The following DNER variants were observed in gnomAD, a reference collection of about 807,000 sequenced individuals.
DNER encodes the protein delta/notch like EGF repeat containing.
In DNER, 33 loss-of-function variants were observed where a neutral mutation model predicts 78.2. That is an observed-to-expected ratio of 0.42 (90% CI 0.32 to 0.56). DNER has a LOEUF of 0.56. DNER is among the 20% of genes least tolerant of loss of function. The pLI is 0.11. For synonymous variants in DNER, 417 were observed against 384.8 expected (o/e 1.08, Z -0.98); for missense variants, 918 against 975.3 (o/e 0.94, Z 0.78).
chr2:229,372,642 G>A (rs1269914097), intron 11 of DNER, among the ~76,000 whole-genome samples: 1 of 152,212 alleles, frequency 6.6e-6, no homozygotes, highest in Non-Finnish European at 1.5e-5. Context: ...GAAACAGTGG[G>A]AGGGAGGGTC....
At position 229,363,985 on chromosome 2, in the gene DNER, C is replaced by CTTTTTTTT. The variant is rs10600729; in HGVS notation, c.2102+2880_2102+2887dup. On this transcript the variant is annotated intron_variant, in intron 12 of 12. Coordinates refer to ENST00000341772, the MANE Select transcript of DNER (RefSeq NM_139072.4). ...ACCAAAGAAACTTGTCAATTCTCTGCTTTTTTTTTTTTTTTTTTTTTTTTT... is the reference window on the plus strand; with the variant it reads ...ACCAAAGAAACTTGTCAATTCTCTGCTTTTTTTTTTTTTTTTTTTTTTTTTTTTTTTTT... Among the ~76,000 whole-genome samples, 4 of 77,836 alleles carry CTTTTTTTT rather than the reference C, an allele frequency of 5.1e-5. 2 individuals carry two copies. Among genetic ancestry groups the CTTTTTTTT allele is most frequent in the Non-Finnish European group, 1.0e-4 (4 of 39,950 alleles). The allele number at this position is 77,836 out of a possible 152,430, so 51.1% of individuals were successfully genotyped here. A position where few individuals can be genotyped will look rare whatever the true frequency, so the allele number is the denominator to read the frequency against.
intron 10 of DNER, among the ~76,000 whole-genome samples, chr2:229,391,558 T>A (rs770197724): frequency 3.3e-5 from 5 of 152,186 alleles, no homozygotes; most frequent in Non-Finnish European, 5.9e-5. Flanking sequence ...TCTTTTTTTT[T>A]GAGACAAAAA....
At chr2:229,678,677 C>G (rs16826329) in intron 1 of DNER, among the ~76,000 whole-genome samples, 3,265 of 152,276 alleles carry the variant, frequency 0.021, 104 homozygotes, top group Middle Eastern at 0.065. Flanking sequence ...ATGCATAATT[C>G]ACACCTTAGC....
intron 4 of DNER, among the ~76,000 whole-genome samples, chr2:229,573,464 GA>G (rs1559171077): frequency 1.3e-5 from 2 of 152,122 alleles, no homozygotes. Flanking sequence ...ACCTTTGTGA[GA>G]AACAATTAAA....
At chr2:229,533,536 T>C (rs1053581856) in intron 5 of DNER, among the ~76,000 whole-genome samples, 2 of 152,262 alleles carry the variant, frequency 1.3e-5, no homozygotes, top group South Asian at 2.1e-4. Context: ...ATTTGATGAA[T>C]GAACCCTCAA....
intron 6 of DNER, among the ~76,000 whole-genome samples, chr2:229,488,009 G>A (rs543183584): frequency 9.2e-5 from 14 of 152,308 alleles, no homozygotes; most frequent in African/African-American, 3.1e-4. Flanking sequence ...GCATGGTAAC[G>A]ATGTGTTGTA....
At chr2:229,511,854 G>A (rs1010581332) in intron 6 of DNER, among the ~76,000 whole-genome samples, 3 of 152,286 alleles carry the variant, frequency 2.0e-5, no homozygotes, top group East Asian at 1.9e-4. Context: ...GACATATTGC[G>A]TAGCCCCATG....
At chr2:229,446,434 T>C (rs1454222925) in intron 8 of DNER, among the ~76,000 whole-genome samples, 1 of 151,780 alleles carries the variant, frequency 6.6e-6, no homozygotes, top group East Asian at 1.9e-4. Flanking sequence ...TACAGTGAGG[T>C]GGGGTAACGG....
chr2:229,599,782 G>A (rs1354810633), intron 1 of DNER, among the ~76,000 whole-genome samples: 1 of 152,102 alleles, frequency 6.6e-6, no homozygotes, highest in Non-Finnish European at 1.5e-5. Flanking sequence ...CAGCGAAAAG[G>A]GCAAAGAAAT....
At chr2:229,361,735 T>A (rs1692221613) in intron 12 of DNER, among the ~76,000 whole-genome samples, 1 of 152,004 alleles carries the variant, frequency 6.6e-6, no homozygotes, top group South Asian at 2.1e-4. Flanking sequence ...TTATATATAA[T>A]AATTATATTA....
intron 7 of DNER, among the ~76,000 whole-genome samples, chr2:229,456,735 TCATC>T (rs1238924020): frequency 6.6e-6 from 1 of 152,034 alleles, no homozygotes; most frequent in East Asian, 1.9e-4. Flanking sequence ...TTTTCCCCCT[TCATC>T]CATCCTACCA....
intron 11 of DNER, among the ~76,000 whole-genome samples, chr2:229,374,800 A>T (rs1692562266): frequency 6.6e-6 from 1 of 152,168 alleles, no homozygotes; most frequent in South Asian, 2.1e-4. Context: ...AAAAAAAAAA[A>T]TTTAGAGAAC....
intron 1 of DNER, among the ~76,000 whole-genome samples, chr2:229,600,302 G>T (rs191940122): frequency 6.6e-6 from 1 of 152,148 alleles, no homozygotes; most frequent in South Asian, 2.1e-4. Context: ...AACTGAAAGC[G>T]CCTGGCCCAC....
chr2:229,486,925 G>C (rs181891820), intron 6 of DNER, among the ~76,000 whole-genome samples: 2 of 152,302 alleles, frequency 1.3e-5, no homozygotes, highest in African/African-American at 4.8e-5. Flanking sequence ...TGAGGTTTAA[G>C]AAGTCCTACA....
chr2:229,631,460 T>C (rs1030484516), intron 1 of DNER, among the ~76,000 whole-genome samples: 1 of 152,244 alleles, frequency 6.6e-6, no homozygotes, highest in African/African-American at 2.4e-5. Context: ...AGAAAGAAGA[T>C]GTCTGGAGGA....
intron 7 of DNER, among the ~76,000 whole-genome samples, chr2:229,449,693 T>C (rs1468916431): frequency 1.3e-5 from 2 of 152,230 alleles, no homozygotes; most frequent in African/African-American, 4.8e-5. Flanking sequence ...TACCCAAGGC[T>C]GGGTACCAGT....
At chr2:229,608,500 G>A (rs751840082) in intron 1 of DNER, among the ~76,000 whole-genome samples, 2 of 152,284 alleles carry the variant, frequency 1.3e-5, no homozygotes, top group Non-Finnish European at 2.9e-5. Flanking sequence ...CATAAAAGGT[G>A]AATAAATTAA....
At chr2:229,646,996 G>A (rs758987783) in intron 1 of DNER, among the ~76,000 whole-genome samples, 47 of 152,122 alleles carry the variant, frequency 3.1e-4, no homozygotes, top group Non-Finnish European at 6.2e-4. Context: ...GTGAAAACCC[G>A]TCTCTACTAA....
chr2:229,670,922 A>G (rs1274058007), intron 1 of DNER, among the ~76,000 whole-genome samples: 1 of 152,222 alleles, frequency 6.6e-6, no homozygotes, highest in East Asian at 1.9e-4. Flanking sequence ...GTATAATTTC[A>G]GTGATGAAAA....
Sources: allele counts gnomAD v4.1 joint callset (sites outside exome capture counted in the v4.1 genomes callset), GRCh38; gene constraint gnomAD v4.1.1; transcripts MANE v1.5; gene names NCBI Gene and HGNC (gene_info 2026-07-23, HGNC 2026-07-21).